The following SDF2 variants were observed in gnomAD, a reference collection of about 807,000 sequenced individuals.
The protein encoded by SDF2 is stromal cell-derived factor 2.
A neutral mutation model predicts 20.5 loss-of-function variants in SDF2; 12 were observed. That is an observed-to-expected ratio of 0.58 (90% CI 0.37 to 0.95). The LOEUF is 0.95. Among genes scored for constraint, SDF2 ranks in the 40% least tolerant of loss-of-function variants. SDF2 has a pLI of 0.01. For synonymous variants in SDF2, 100 were observed against 101.0 expected (o/e 0.99, Z 0.06); for missense variants, 238 against 263.1 (o/e 0.90, Z 0.66).
chr17:28,661,703 C>A (rs2072047654), intron 1 of SDF2, 23 bp downstream of exon 1: 1 of 1,603,460 alleles, frequency 6.2e-7, no homozygotes, highest in Non-Finnish European at 8.5e-7. Context: ...CCTAGCCCAC[C>A]CGAGCCCGGT....
At chr17:28,661,635 C>T in intron 1 of SDF2, 91 bp downstream of exon 1, 3 of 1,430,918 alleles carry the variant, frequency 2.1e-6, no homozygotes, top group Non-Finnish European at 2.9e-6. Context: ...CCTAACTTTC[C>T]CAGACCACAC....
At chr17:28,653,580 A>G (rs1163277618) in intron 2 of SDF2, among the ~76,000 whole-genome samples, 1 of 152,162 alleles carries the variant, frequency 6.6e-6, no homozygotes, top group East Asian at 1.9e-4. Flanking sequence ...TTGGGAGGCC[A>G]AGGTGGGTGG....
intron 2 of SDF2, among the ~76,000 whole-genome samples, chr17:28,650,803 C>CAA (rs57928087): frequency 0.014 from 272 of 19,036 alleles, 23 homozygotes; most frequent in African/African-American, 0.022. Context: ...GACTTTGTCT[C>CAA]AAAAAAAAAA....
intron 1 of SDF2, among the ~76,000 whole-genome samples, chr17:28,657,349 C>T (rs533227033): frequency 6.6e-6 from 1 of 152,180 alleles, no homozygotes; most frequent in South Asian, 2.1e-4. Flanking sequence ...GAGTTCGAGA[C>T]TAGCCTCAGC....
rs138929650 is a variant in SDF2, at chr17:28,660,992, T to C, written c.151+734A>G. 4 of 289,968 alleles carry C rather than the reference T, an allele frequency of 1.4e-5. No individual in the cohort carries two copies. In the East Asian group the frequency reaches 2.6e-4, roughly 19 times the overall value. The allele number at this position is 289,968 out of a possible 1,614,324, so 18.0% of individuals were successfully genotyped here. A position where few individuals can be genotyped will look rare whatever the true frequency, so the allele number is the denominator to read the frequency against. ...TCACCACCGAATCTCCTGTATGTAGTACAATTCTAGCCATGTAGTAGGAAC... is the reference window on the plus strand; with the variant it reads ...TCACCACCGAATCTCCTGTATGTAGCACAATTCTAGCCATGTAGTAGGAAC... On this transcript the variant is annotated intron_variant, in intron 1 of 2. Coordinates refer to ENST00000247020, the MANE Select transcript of SDF2 (RefSeq NM_006923.4).
chr17:28,660,270 G>A (rs1287146087), intron 1 of SDF2, among the ~76,000 whole-genome samples: 2 of 152,162 alleles, frequency 1.3e-5, no homozygotes, highest in African/African-American at 2.4e-5. Context: ...AGACGGAGAG[G>A]GCTACCTGTA....
At chr17:28,659,135 C>T (rs1480237545) in intron 1 of SDF2, among the ~76,000 whole-genome samples, 8 of 117,976 alleles carry the variant, frequency 6.8e-5, no homozygotes, top group Middle Eastern at 7.4e-3. Flanking sequence ...AGACAATGGG[C>T]GGCCGGGCAG....
chr17:28,650,401 T>A (rs2071903882), intron 2 of SDF2, among the ~76,000 whole-genome samples: 1 of 152,086 alleles, frequency 6.6e-6, no homozygotes, highest in African/African-American at 2.4e-5. Context: ...AAGATTATGG[T>A]CCAAACACTT....
chr17:28,651,072 A>G (rs2071911075), intron 2 of SDF2, among the ~76,000 whole-genome samples: 1 of 151,572 alleles, frequency 6.6e-6, no homozygotes, highest in African/African-American at 2.4e-5. Flanking sequence ...GCTGGCTTTA[A>G]AATACTTTAC....
At chr17:28,654,602 G>A (rs1178666682) in intron 2 of SDF2, among the ~76,000 whole-genome samples, 3 of 151,942 alleles carry the variant, frequency 2.0e-5, no homozygotes, top group Non-Finnish European at 2.9e-5. Context: ...GATCACCTGA[G>A]GTCAGGAGTT....
rs1257413211 is a variant in SDF2, at chr17:28,661,790, C to A, written c.87G>T (p.Val29=). The change falls in exon 1 of 3, where the codon GTG becomes GTT. Residue 29 remains valine (V), a synonymous_variant. Transcript: ENST00000247020. ...TGTGGCGCGTATTGAGTAGCTTCAC[C>A]ACGGAGCCGCAAGTAACGACACCCA... ...SSLGVVTCGS[V]VKLLNTRHNV... The A allele has an allele frequency of 6.2e-7, 1 of 1,614,120 alleles. No homozygotes were observed. Among genetic ancestry groups the A allele is most frequent in the East Asian group, 2.2e-5 (1 of 44,882 alleles).
chr17:28,655,169 C>T (rs1029072811), intron 2 of SDF2, 118 bp downstream of exon 2: 10 of 947,178 alleles, frequency 1.1e-5, no homozygotes, highest in East Asian at 2.4e-5. Context: ...GCCATTTCCC[C>T]AGGTCTGCAC....
intron 1 of SDF2, chr17:28,661,155 G>C (rs2072033389): frequency 2.2e-6 from 1 of 453,062 alleles, no homozygotes; most frequent in South Asian, 1.6e-5. Flanking sequence ...ACAAGAAGGA[G>C]GTTAAGGTTT....
rs1173196644 is a variant in SDF2 at position 28,661,896 on chromosome 17, C to A, written c.-20G>T. 1 of 1,584,126 alleles carries A rather than the reference C, an allele frequency of 6.3e-7. No individual in the cohort carries two copies. The highest frequency in any genetic ancestry group is 1.3e-5 in the African/African-American group (1 of 74,254). ...AGCCATCCTAACTGTATCGCGGAGC[C>A]CCAAATCTTCGAAGAAAACTCGGCC... On this transcript the variant is annotated 5_prime_UTR_variant, in exon 1 of 3. Transcript: ENST00000247020.
At position 28,655,287 on chromosome 17, in the gene SDF2, C is replaced by G; in HGVS notation, c.348G>C (p.Gln116His). 6.2e-7 allele frequency: 1 copy of G among 1,614,080 alleles called. No individual in the cohort carries two copies. Among genetic ancestry groups the G allele is most frequent in the Non-Finnish European group, 8.5e-7 (1 of 1,180,016 alleles). ...HHFTSPLSGN[Q>H]EVSAFGEEGE... Reference sequence around the variant, plus strand: ...AACAATCCATCGAAAGCCACCTCACCTGGTTTCCAGAAAGAGGTGAAGTGA... The same window carrying G: ...AACAATCCATCGAAAGCCACCTCACGTGGTTTCCAGAAAGAGGTGAAGTGA... The change falls in exon 2 of 3, where the codon CAG becomes CAC. Residue 116 changes from glutamine to histidine, a missense_variant and splice_region_variant. Physicochemically the swap from Gln to His is conservative, Grantham distance 24. Coordinates refer to ENST00000247020, the MANE Select transcript of SDF2 (RefSeq NM_006923.4).
chr17:28,661,302 T>C, intron 1 of SDF2: 1 of 378,520 alleles, frequency 2.6e-6, no homozygotes. Flanking sequence ...AACTTTAAAA[T>C]TTCAGACACA....
chr17:28,655,734 T>A, intron 1 of SDF2: 4 of 549,960 alleles, frequency 7.3e-6, no homozygotes, highest in Non-Finnish European at 1.3e-5. Flanking sequence ...CAAGCCCATC[T>A]TTGCGTGCTT....
rs924402042 is a variant in SDF2, at chr17:28,661,891, G to T, written c.-15C>A. The T allele has an allele frequency of 6.3e-7, 1 of 1,589,478 alleles. No homozygotes were observed. The highest frequency in any genetic ancestry group is 1.7e-5 in the Admixed American group (1 of 58,852). On this transcript the variant is annotated 5_prime_UTR_variant, in exon 1 of 3. Transcript: ENST00000247020. ...ACTACAGCCATCCTAACTGTATCGCGGAGCCCCAAATCTTCGAAGAAAACT... is the reference window on the plus strand; with the variant it reads ...ACTACAGCCATCCTAACTGTATCGCTGAGCCCCAAATCTTCGAAGAAAACT...
At chr17:28,654,847 T>G (rs2071944438) in intron 2 of SDF2, among the ~76,000 whole-genome samples, 1 of 151,862 alleles carries the variant, frequency 6.6e-6, no homozygotes, top group East Asian at 1.9e-4. Context: ...TCCCAGCCAC[T>G]CGGGCAGCTG....
Sources: gnomAD v4.1 joint callset for allele counts (sites outside exome capture counted in the v4.1 genomes callset) on GRCh38, gnomAD v4.1.1 for gene constraint, MANE v1.5 for transcripts, NCBI Gene and HGNC (gene_info 2026-07-23, HGNC 2026-07-21) for gene names.